MACROD2: variants seen among roughly 807,000 people sequenced by gnomAD.
MACROD2 encodes the protein mono-ADP ribosylhydrolase 2.
A neutral mutation model predicts 70.4 loss-of-function variants in MACROD2; 36 were observed. That is an observed-to-expected ratio of 0.51 (90% CI 0.39 to 0.68). The LOEUF (loss-of-function observed/expected upper bound fraction) is 0.68. Among genes scored for constraint, MACROD2 ranks in the 30% least tolerant of loss-of-function variants. The pLI is 0.00. For missense variants in MACROD2, 496 were observed against 538.4 expected, an observed-to-expected ratio of 0.92 and a Z score of 0.78; for synonymous variants, 172 against 178.8, an observed-to-expected ratio of 0.96 and a Z score of 0.30.
chr20:14,649,936 A>G (rs1404482532), intron 4 of MACROD2, among the ~76,000 whole-genome samples: 1 of 152,168 alleles, frequency 6.6e-6, no homozygotes, highest in Non-Finnish European at 1.5e-5. Context: ...GAGTATGCAT[A>G]GACTGATAAC....
intron 3 of MACROD2, among the ~76,000 whole-genome samples, chr20:14,223,530 C>T (rs1237381510): frequency 7.7e-6 from 1 of 129,420 alleles, no homozygotes; most frequent in Admixed American, 8.5e-5. Flanking sequence ...TTTTTTGAGA[C>T]GGAGTCTCAC....
intron 6 of MACROD2, among the ~76,000 whole-genome samples, chr20:15,412,462 A>G (rs911004508): frequency 6.6e-6 from 1 of 152,224 alleles, no homozygotes; most frequent in Non-Finnish European, 1.5e-5. Context: ...GAGGTTAACT[A>G]AACAAAGCAT....
At chr20:14,986,167 T>G (rs1031186643) in intron 5 of MACROD2, among the ~76,000 whole-genome samples, 2 of 152,188 alleles carry the variant, frequency 1.3e-5, no homozygotes, top group Non-Finnish European at 2.9e-5. Context: ...GAATGGTTGT[T>G]CTCTCCTGGT....
At chr20:15,767,919 T>G (rs980000035) in intron 8 of MACROD2, among the ~76,000 whole-genome samples, 7 of 152,184 alleles carry the variant, frequency 4.6e-5, no homozygotes, top group African/African-American at 1.7e-4. Context: ...CTTTGTTAAG[T>G]AAAATTTTTT....
chr20:14,721,254 C>CAAAAAA (rs200181158), intron 5 of MACROD2, among the ~76,000 whole-genome samples: 3 of 90,266 alleles, frequency 3.3e-5, no homozygotes, highest in South Asian at 3.8e-4. Context: ...GACCCCATCT[C>CAAAAAA]AAAAAAAAAA....
At chr20:15,911,081 G>A (rs2065229656) in intron 10 of MACROD2, among the ~76,000 whole-genome samples, 1 of 152,118 alleles carries the variant, frequency 6.6e-6, no homozygotes, top group Non-Finnish European at 1.5e-5. Context: ...TTGTTTCATT[G>A]TCTCCGATTG....
chr20:14,992,195 G>A lies in MACROD2; in HGVS notation c.419-237745G>A, dbSNP rs142474737. Among the ~76,000 whole-genome samples the A allele has an allele frequency of 7.4e-4, 113 of 152,272 alleles. 1 individual carries two copies. The highest frequency in any genetic ancestry group is 2.6e-3 in the African/African-American group (110 of 41,552). On this transcript the variant is annotated intron_variant, in intron 5 of 17. Coordinates refer to ENST00000684519, the MANE Select transcript of MACROD2 (RefSeq NM_001351661.2). Reference sequence around the variant, plus strand: ...TTAAGGATCACTTTTCCAAAGTGAAGTCTTTTCTTAAAAATAGAAATTTCT... The same window carrying A: ...TTAAGGATCACTTTTCCAAAGTGAAATCTTTTCTTAAAAATAGAAATTTCT...
intron 5 of MACROD2, among the ~76,000 whole-genome samples, chr20:14,930,451 A>G (rs2074283739): frequency 1.3e-5 from 2 of 152,120 alleles, no homozygotes; most frequent in African/African-American, 2.4e-5. Flanking sequence ...TCAACTATCC[A>G]GGTTTGACTT....
chr20:14,640,080 C>T (rs777492381), intron 4 of MACROD2, among the ~76,000 whole-genome samples: 10 of 152,068 alleles, frequency 6.6e-5, no homozygotes, highest in Non-Finnish European at 4.4e-5. Flanking sequence ...TACAGGCATA[C>T]GATAAAGTGC....
chr20:14,915,708 T>G (rs1449343735), intron 5 of MACROD2, among the ~76,000 whole-genome samples: 1 of 152,186 alleles, frequency 6.6e-6, no homozygotes, highest in Non-Finnish European at 1.5e-5. Flanking sequence ...AAAATGTTCT[T>G]TTCAGATCTT....
chr20:15,629,609 A>G (rs1311421065), intron 8 of MACROD2, among the ~76,000 whole-genome samples: 1 of 152,210 alleles, frequency 6.6e-6, no homozygotes, highest in African/African-American at 2.4e-5. Flanking sequence ...TTTGCTGTAT[A>G]TGTTCTTATG....
chr20:15,242,565 T>A (rs1033014075), intron 6 of MACROD2, among the ~76,000 whole-genome samples: 1 of 152,198 alleles, frequency 6.6e-6, no homozygotes. Flanking sequence ...TCTTCTTCTA[T>A]TTTTTGAGAG....
intron 4 of MACROD2, among the ~76,000 whole-genome samples, chr20:14,579,160 A>G (rs1600409167): frequency 2.0e-5 from 2 of 100,696 alleles, no homozygotes; most frequent in African/African-American, 3.9e-5. Context: ...TTTGAGACGG[A>G]GTCTCGCTCT....
At chr20:15,133,180 A>ATTTTT (rs1660282335) in intron 5 of MACROD2, among the ~76,000 whole-genome samples, 1 of 152,150 alleles carries the variant, frequency 6.6e-6, no homozygotes, top group African/African-American at 2.4e-5. Flanking sequence ...AAATTTATAA[A>ATTTTT]GAAAAGATCA....
chr20:15,258,473 C>A (rs1037873318), intron 6 of MACROD2, among the ~76,000 whole-genome samples: 4 of 152,116 alleles, frequency 2.6e-5, no homozygotes, highest in East Asian at 1.9e-4. Flanking sequence ...TTTAGATACA[C>A]AAATACCATT....
intron 8 of MACROD2, among the ~76,000 whole-genome samples, chr20:15,801,301 T>C (rs1248101268): frequency 2.0e-5 from 3 of 150,952 alleles, no homozygotes; most frequent in Non-Finnish European, 4.4e-5. Flanking sequence ...AATGTACAAG[T>C]TGTGGTCTGG....
At chr20:14,509,581 A>T (rs979526952) in intron 4 of MACROD2, among the ~76,000 whole-genome samples, 34 of 151,976 alleles carry the variant, frequency 2.2e-4, no homozygotes, top group African/African-American at 7.2e-4. Context: ...GACCCATTTC[A>T]TACCAGCTGT....
At chr20:14,272,045 A>T (rs1390644560) in intron 3 of MACROD2, among the ~76,000 whole-genome samples, 1 of 152,196 alleles carries the variant, frequency 6.6e-6, no homozygotes, top group Non-Finnish European at 1.5e-5. Context: ...GATGGGGAGA[A>T]TGGAACCAAG....
chr20:15,505,019 A>C (rs2047408066), intron 8 of MACROD2, among the ~76,000 whole-genome samples: 1 of 152,134 alleles, frequency 6.6e-6, no homozygotes, highest in Non-Finnish European at 1.5e-5. Context: ...TAGCCTAAGA[A>C]ATGTTTTTAC....
Sources: gnomAD v4.1 joint callset for allele counts (sites outside exome capture counted in the v4.1 genomes callset) on GRCh38, gnomAD v4.1.1 for gene constraint, MANE v1.5 for transcripts, NCBI Gene and HGNC (gene_info 2026-07-23, HGNC 2026-07-21) for gene names.